The following LRRC4C variants were observed in gnomAD, a reference collection of about 807,000 sequenced individuals.
The protein encoded by LRRC4C is leucine-rich repeat-containing protein 4C.
In LRRC4C, 5 loss-of-function variants were observed where a neutral mutation model predicts 33.6. That is an observed-to-expected ratio of 0.15 (90% confidence interval 0.08 to 0.31). LRRC4C has a LOEUF of 0.31. LRRC4C is among the 10% of genes least tolerant of loss of function. The pLI, the probability that LRRC4C is intolerant of heterozygous loss-of-function variation, is 1.00. For synonymous variants in LRRC4C, 329 were observed against 302.0 expected, an observed-to-expected ratio of 1.09 and a Z score of -0.93; for missense variants, 560 against 796.7, an observed-to-expected ratio of 0.70 and a Z score of 3.58.
chr11:40,781,658 G>A (rs1346036890), intron 2 of LRRC4C, among the ~76,000 whole-genome samples: 3 of 152,090 alleles, frequency 2.0e-5, no homozygotes, highest in Admixed American at 6.6e-5. Context: ...AAACTATCTG[G>A]TTCTTTTACT....
intron 2 of LRRC4C, among the ~76,000 whole-genome samples, chr11:40,804,627 T>C: frequency 6.6e-6 from 1 of 152,212 alleles, no homozygotes; most frequent in Non-Finnish European, 1.5e-5. Context: ...TTATTCTTAT[T>C]ACCCAGTTGA....
intron 4 of LRRC4C, among the ~76,000 whole-genome samples, chr11:40,249,877 G>A (rs1227275980): frequency 1.3e-5 from 2 of 152,126 alleles, no homozygotes; most frequent in Non-Finnish European, 2.9e-5. Context: ...CTTTTGTTCT[G>A]ATAAGATATT....
chr11:40,809,690 G>T (rs567418328), intron 2 of LRRC4C, among the ~76,000 whole-genome samples: 1 of 152,096 alleles, frequency 6.6e-6, no homozygotes, highest in Non-Finnish European at 1.5e-5. Flanking sequence ...CATGTTGCAC[G>T]TGCTCACTCA....
At chr11:41,274,211 G>C (rs1949407946) in intron 1 of LRRC4C, among the ~76,000 whole-genome samples, 1 of 152,246 alleles carries the variant, frequency 6.6e-6, no homozygotes, top group African/African-American at 2.4e-5. Context: ...GGAGGGCAGA[G>C]GAGGCACTTC....
At chr11:40,739,070 T>A (rs1948033682) in intron 2 of LRRC4C, among the ~76,000 whole-genome samples, 1 of 151,226 alleles carries the variant, frequency 6.6e-6, no homozygotes, top group Non-Finnish European at 1.5e-5. Flanking sequence ...AGATTTGAGA[T>A]CTACCTTCTT....
chr11:40,977,490 C>G (rs1007798280), intron 1 of LRRC4C, among the ~76,000 whole-genome samples: 1 of 152,062 alleles, frequency 6.6e-6, no homozygotes, highest in African/African-American at 2.4e-5. Flanking sequence ...CAAGAAGACA[C>G]AGTGACTATA....
intron 1 of LRRC4C, among the ~76,000 whole-genome samples, chr11:41,267,867 T>C (rs1471608361): frequency 2.6e-5 from 4 of 152,058 alleles, no homozygotes; most frequent in African/African-American, 9.7e-5. Context: ...AAGTAAATAA[T>C]TTTAGCTTTT....
At chr11:40,513,451 A>C (rs970432339) in intron 3 of LRRC4C, among the ~76,000 whole-genome samples, 21 of 152,234 alleles carry the variant, frequency 1.4e-4, no homozygotes, top group South Asian at 4.1e-4. Flanking sequence ...AGGAAATCAC[A>C]CAAATGCAAG....
intron 3 of LRRC4C, among the ~76,000 whole-genome samples, chr11:40,602,190 T>A (rs1186553208): frequency 1.8e-5 from 2 of 108,678 alleles, no homozygotes; most frequent in African/African-American, 6.3e-5. Flanking sequence ...TGAGAATCTG[T>A]CTCAAAAAAA....
intron 6 of LRRC4C, among the ~76,000 whole-genome samples, chr11:40,129,245 T>C (rs945523420): frequency 8.5e-5 from 13 of 152,166 alleles, no homozygotes; most frequent in African/African-American, 3.1e-4. Flanking sequence ...AGGAATTTCA[T>C]TGATTTTTGG....
intron 4 of LRRC4C, among the ~76,000 whole-genome samples, chr11:40,299,194 T>G (rs566480381): frequency 6.6e-6 from 1 of 152,306 alleles, no homozygotes; most frequent in Non-Finnish European, 1.5e-5. Context: ...TATTTAAACA[T>G]ATGCATAATG....
chr11:40,785,388 T>A (rs529704657), intron 2 of LRRC4C, among the ~76,000 whole-genome samples: 1 of 152,328 alleles, frequency 6.6e-6, no homozygotes, highest in East Asian at 1.9e-4. Context: ...AACTCTTAAT[T>A]TGATTCTTAC....
chr11:40,750,158 A>G (rs2136978751), intron 2 of LRRC4C, among the ~76,000 whole-genome samples: 1 of 151,958 alleles, frequency 6.6e-6, no homozygotes, highest in African/African-American at 2.4e-5. Context: ...GGAGGTGGAG[A>G]TTGTGGTGAG....
chr11:40,637,070 A>C (rs1272728805), intron 3 of LRRC4C, among the ~76,000 whole-genome samples: 1 of 152,170 alleles, frequency 6.6e-6, no homozygotes, highest in Admixed American at 6.5e-5. Flanking sequence ...CAGGTTAATT[A>C]GTCTTCCAGG....
intron 3 of LRRC4C, among the ~76,000 whole-genome samples, chr11:40,417,631 C>A (rs955846638): frequency 6.6e-6 from 1 of 152,072 alleles, no homozygotes; most frequent in Non-Finnish European, 1.5e-5. Flanking sequence ...GGATTACAAG[C>A]ATGAGCCACC....
chr11:41,355,727 T>A (rs1215391822), intron 1 of LRRC4C, among the ~76,000 whole-genome samples: 3 of 152,150 alleles, frequency 2.0e-5, no homozygotes, highest in African/African-American at 7.2e-5. Context: ...CTATGTACAG[T>A]ATCCATTTTT....
At chr11:41,379,204 A>C (rs563452434) in intron 1 of LRRC4C, among the ~76,000 whole-genome samples, 1 of 152,218 alleles carries the variant, frequency 6.6e-6, no homozygotes, top group African/African-American at 2.4e-5. Flanking sequence ...TGTCACTTGC[A>C]CTGTGGTTAA....
chr11:40,771,306 AT>A (rs1271715818), intron 2 of LRRC4C, among the ~76,000 whole-genome samples: 3 of 152,126 alleles, frequency 2.0e-5, no homozygotes, highest in Non-Finnish European at 4.4e-5. Flanking sequence ...ACTTTGGCCC[AT>A]TTTAGCCATG....
chr11:40,987,663 T>TATATATATA (rs1565274573), intron 1 of LRRC4C, among the ~76,000 whole-genome samples: 1 of 78,214 alleles, frequency 1.3e-5, no homozygotes, highest in African/African-American at 5.9e-5. Flanking sequence ...CTCATATATA[T>TATATATATA]GAGATATAAA....
Sources: gnomAD v4.1 joint callset for allele counts (sites outside exome capture counted in the v4.1 genomes callset) on GRCh38, gnomAD v4.1.1 for gene constraint, MANE v1.5 for transcripts, NCBI Gene and HGNC (gene_info 2026-07-23, HGNC 2026-07-21) for gene names.